Variants in TCF12 observed in about 807,000 individuals in gnomAD.
TCF12 encodes the protein DNA-binding protein HTF4.
TCF12 carries 45 observed loss-of-function variants against 86.0 expected under a neutral mutation model. The ratio of observed to expected loss-of-function variants is 0.52; its 90% confidence interval spans 0.41 to 0.67. TCF12 has a LOEUF of 0.67. Ranked by LOEUF, TCF12 falls within the 30% of genes least tolerant of loss-of-function variation. TCF12 has a pLI of 0.00. For missense variants in TCF12, 881 were observed against 859.9 expected, an observed-to-expected ratio of 1.02 and a Z score of -0.31; for synonymous variants, 330 against 299.6, an observed-to-expected ratio of 1.10 and a Z score of -1.05.
intron 8 of TCF12, among the ~76,000 whole-genome samples, chr15:57,230,399 A>G (rs1261030272): frequency 6.6e-6 from 1 of 152,008 alleles, no homozygotes; most frequent in African/African-American, 2.4e-5. Flanking sequence ...GAATAGTGTG[A>G]TCACATTTTG....
At chr15:57,172,885 G>C (rs1007753730) in intron 6 of TCF12, among the ~76,000 whole-genome samples, 10 of 151,752 alleles carry the variant, frequency 6.6e-5, no homozygotes, top group Admixed American at 2.6e-4. Context: ...AGGATCACTT[G>C]AGCCCAGGAG....
chr15:56,967,305 G>T (rs1424092131), intron 3 of TCF12, among the ~76,000 whole-genome samples: 1 of 142,978 alleles, frequency 7.0e-6, no homozygotes, highest in Non-Finnish European at 1.5e-5. Context: ...TAAATACAAA[G>T]AAAAAAAAAA....
chr15:57,185,793 G>A (rs555415529), intron 6 of TCF12, among the ~76,000 whole-genome samples: 1 of 152,274 alleles, frequency 6.6e-6, no homozygotes, highest in South Asian at 2.1e-4. Flanking sequence ...GAGGTAGGAA[G>A]ATCACTTGAA....
chr15:56,997,636 A>T (rs550942293), intron 3 of TCF12, among the ~76,000 whole-genome samples: 40 of 152,352 alleles, frequency 2.6e-4, no homozygotes, highest in African/African-American at 9.6e-4. Flanking sequence ...AAGTTAAAAA[A>T]TATTCAAATA....
chr15:57,161,758 C>G (rs1378924672), intron 5 of TCF12, among the ~76,000 whole-genome samples: 2 of 152,102 alleles, frequency 1.3e-5, no homozygotes, highest in African/African-American at 4.8e-5. Flanking sequence ...CAGACAGTAC[C>G]TACAGTTTTT....
chr15:57,040,512 A>G (rs1421847427), intron 3 of TCF12, among the ~76,000 whole-genome samples: 4 of 152,226 alleles, frequency 2.6e-5, no homozygotes, highest in Non-Finnish European at 5.9e-5. Context: ...TGAAAAGTTT[A>G]CTGCCTTTCC....
intron 3 of TCF12, among the ~76,000 whole-genome samples, chr15:57,009,852 T>C (rs1268094321): frequency 6.6e-6 from 1 of 152,198 alleles, no homozygotes; most frequent in African/African-American, 2.4e-5. Flanking sequence ...ATTTTCCACA[T>C]ACAATTTGAA....
chr15:57,098,876 T>A (rs1438608426), intron 5 of TCF12, among the ~76,000 whole-genome samples: 1 of 152,220 alleles, frequency 6.6e-6, no homozygotes, highest in Non-Finnish European at 1.5e-5. Context: ...CTCTTTCACC[T>A]TGCAAATGTT....
At chr15:57,047,103 C>T (rs1401683569) in intron 3 of TCF12, among the ~76,000 whole-genome samples, 3 of 152,178 alleles carry the variant, frequency 2.0e-5, no homozygotes, top group Admixed American at 2.0e-4. Context: ...ACAGAGCAAA[C>T]TCAGAATAAA....
chr15:57,116,164 A>G (rs1427489358), intron 5 of TCF12, among the ~76,000 whole-genome samples: 2 of 152,168 alleles, frequency 1.3e-5, no homozygotes, highest in Admixed American at 6.5e-5. Flanking sequence ...GTGATAGGGA[A>G]GTATTGGTAT....
chr15:57,063,359 C>G (rs576604603), intron 3 of TCF12, among the ~76,000 whole-genome samples: 1 of 152,130 alleles, frequency 6.6e-6, no homozygotes, highest in African/African-American at 2.4e-5. Flanking sequence ...GCTTCATTTT[C>G]TAGGGCTTAA....
chr15:57,229,689 A>G, intron 8 of TCF12, among the ~76,000 whole-genome samples: 1 of 151,958 alleles, frequency 6.6e-6, no homozygotes, highest in East Asian at 1.9e-4. Context: ...CTTCTGTTAG[A>G]ATGAAAGGTG....
At chr15:57,093,975 G>A (rs1346521447) in intron 5 of TCF12, among the ~76,000 whole-genome samples, 5 of 152,078 alleles carry the variant, frequency 3.3e-5, no homozygotes, top group African/African-American at 4.8e-5. Context: ...GAGTGCGGTC[G>A]CATGATGATG....
intron 3 of TCF12, among the ~76,000 whole-genome samples, chr15:56,930,511 C>T (rs558917230): frequency 5.9e-5 from 9 of 152,186 alleles, no homozygotes; most frequent in African/African-American, 1.2e-4. Flanking sequence ...CTGACATACT[C>T]GGATTTTAGA....
intron 6 of TCF12, among the ~76,000 whole-genome samples, chr15:57,169,716 T>A (rs563054857): frequency 6.6e-6 from 1 of 152,302 alleles, no homozygotes; most frequent in Admixed American, 6.5e-5. Flanking sequence ...ATTGTAAGCT[T>A]TTTGAGACCA....
In TCF12 at chr15:57,286,625, C is replaced by T. The variant is rs1272091493; in HGVS notation, c.*480C>T. The T allele has an allele frequency of 2.2e-6, 1 of 456,726 alleles. No individual in the cohort carries two copies. The highest frequency in any genetic ancestry group is 1.5e-5 in the South Asian group (1 of 64,568). 28.3% of individuals were successfully genotyped at this position (456,726 alleles called of 1,614,324 possible). On this transcript the variant is annotated 3_prime_UTR_variant, in exon 21 of 21. Transcript: ENST00000333725. ...ATTAAAGCGGTTCACGTGCAGAGAA[C>T]AAAGCAGTGACAACCATTGGCCCTT...
At chr15:57,239,866 C>G (rs1266760327) in intron 12 of TCF12, among the ~76,000 whole-genome samples, 2 of 151,998 alleles carry the variant, frequency 1.3e-5, no homozygotes, top group African/African-American at 4.8e-5. Flanking sequence ...GACATAACTG[C>G]GCTTGAGATG....
chr15:57,110,123 C>G (rs961216524), intron 5 of TCF12, among the ~76,000 whole-genome samples: 1 of 152,032 alleles, frequency 6.6e-6, no homozygotes, highest in Non-Finnish European at 1.5e-5. Context: ...CTCATGATAG[C>G]ATAACAATGT....
chr15:57,031,239 T>G (rs1438987324), intron 3 of TCF12, among the ~76,000 whole-genome samples: 2 of 152,194 alleles, frequency 1.3e-5, no homozygotes, highest in African/African-American at 4.8e-5. Context: ...TCCTGTCAAG[T>G]GATTGCTAAG....
Sources: gnomAD v4.1 joint callset for allele counts (sites outside exome capture counted in the v4.1 genomes callset) on GRCh38, gnomAD v4.1.1 for gene constraint, MANE v1.5 for transcripts, NCBI Gene and HGNC (gene_info 2026-07-23, HGNC 2026-07-21) for gene names.